Variants in FRMD1 observed in about 807,000 individuals in gnomAD.
FRMD1 encodes FERM domain-containing protein 1.
FRMD1 carries 51 observed loss-of-function variants against 54.9 expected under a neutral mutation model. The observed-to-expected ratio is 0.93, with a 90% CI of 0.74 to 1.17. The LOEUF is 1.17. Among genes scored for constraint, FRMD1 ranks in the 50% most tolerant of loss-of-function variants. FRMD1 has a pLI of 0.00. For missense variants in FRMD1, 729 were observed against 743.0 expected, an observed-to-expected ratio of 0.98 and a Z score of 0.22; for synonymous variants, 324 against 306.4, an observed-to-expected ratio of 1.06 and a Z score of -0.60.
chr6:168,062,042 A>C lies in FRMD1; in HGVS notation c.871-61T>G, dbSNP rs1041257903. 115 of 1,516,540 alleles carry C rather than the reference A, an allele frequency of 7.6e-5. 1 individual carries two copies. Among genetic ancestry groups the C allele is most frequent in the Non-Finnish European group, 1.0e-4 (114 of 1,122,622 alleles). 93.9% of individuals were successfully genotyped at this position (1,516,540 alleles called of 1,614,324 possible). A position where few individuals can be genotyped will look rare whatever the true frequency, so the allele number is the denominator to read the frequency against. ...TGGAAAACCACGCTAGCCACAGGAAAGGATGATTTTAAATGTCAGCCATGG... is the reference window on the plus strand; with the variant it reads ...TGGAAAACCACGCTAGCCACAGGAACGGATGATTTTAAATGTCAGCCATGG... On this transcript the variant is annotated intron_variant, in intron 7 of 10. Coordinates refer to ENST00000283309, the MANE Select transcript of FRMD1 (RefSeq NM_024919.6).
rs181997328 is a variant in FRMD1 at position 168,071,757 on chromosome 6, T to C, written c.304+3488A>G. Among the ~76,000 whole-genome samples the C allele has an allele frequency of 2.5e-3, 374 of 152,340 alleles. 1 individual carries two copies. Among genetic ancestry groups the C allele is most frequent in the African/African-American group, 8.1e-3 (335 of 41,582 alleles). ...CGCAGGGTAAAGACAAGGCAAACACTGGCTGATGAGCCAGTAATCTCCCTT... is the reference window on the plus strand; with the variant it reads ...CGCAGGGTAAAGACAAGGCAAACACCGGCTGATGAGCCAGTAATCTCCCTT... On this transcript the variant is annotated intron_variant, in intron 2 of 10. Transcript: ENST00000283309.
chr6:168,057,561 G>A (rs1222742051), intron 10 of FRMD1: 4 of 601,770 alleles, frequency 6.6e-6, no homozygotes, highest in Non-Finnish European at 1.1e-5. Flanking sequence ...CCCCCACCTT[G>A]CCCAGCTTCT....
At chr6:168,066,537 A>T in intron 4 of FRMD1, 1 of 1,287,384 alleles carries the variant, frequency 7.8e-7, no homozygotes, top group Non-Finnish European at 9.8e-7. Context: ...AAAGAAAAGA[A>T]AAAGAAGTAC....
rs546374276 is a variant in FRMD1, at chr6:168,087,182, C to T, written c.-11-8158G>A. Among the ~76,000 whole-genome samples, 4 of 152,238 alleles carry T rather than the reference C, an allele frequency of 2.6e-5. No homozygotes were observed. In the Middle Eastern group the frequency reaches 0.01, roughly 388 times the overall value. ...TCCTGGCTCAAGCGATTCTCCCATC[C>T]CAGACCCCTGAGCAGCTGGGACCAC... On this transcript the variant is annotated intron_variant, in intron 1 of 12. Transcript: ENST00000644440.
chr6:168,088,227 T>C (rs561754236), intron 1 of FRMD1, among the ~76,000 whole-genome samples: 2 of 152,294 alleles, frequency 1.3e-5, no homozygotes, highest in South Asian at 4.1e-4. Flanking sequence ...GTGGGGACTA[T>C]GTGAGCCCGA....
At chr6:168,062,710 G>T (rs765791148) in intron 7 of FRMD1, 184 bp downstream of exon 7, 1 of 1,552,244 alleles carries the variant, frequency 6.4e-7, no homozygotes, top group South Asian at 1.2e-5. Flanking sequence ...AGGGGAGGTC[G>T]TACAGCAGCT....
Position 168,054,393 on chromosome 6 carries a change from C to A in FRMD1, c.*2704G>T, listed in dbSNP as rs1799341824. 1.3e-5 allele frequency: 2 copies of A among 152,418 alleles called. No individual in the cohort carries two copies. Among genetic ancestry groups the A allele is most frequent in the Non-Finnish European group, 2.9e-5 (2 of 68,214 alleles). 9.4% of individuals were successfully genotyped at this position (152,418 alleles called of 1,614,324 possible). Reference sequence around the variant, plus strand: ...GATGCTGGAGGTCCTTGGCCTGCTCCTTGGGGGTCCACAGGGACTGGGACA... The same window carrying A: ...GATGCTGGAGGTCCTTGGCCTGCTCATTGGGGGTCCACAGGGACTGGGACA... On this transcript the variant is annotated 3_prime_UTR_variant, in exon 11 of 11. Transcript: ENST00000283309.
chr6:168,079,101 G>A lies in FRMD1; in HGVS notation c.-7C>T, dbSNP rs12154121. ...CTCTCGGGGGCACCGCCATGCTGTC[G>A]TTACTCGGCCCTCCCCCGCCATGGG... On this transcript the variant is annotated 5_prime_UTR_variant, in exon 1 of 11. It adds an upstream start codon to the 5' untranslated region. Coordinates refer to ENST00000283309, the MANE Select transcript of FRMD1 (RefSeq NM_024919.6). 0.013 allele frequency: 20,568 copies of A among 1,591,648 alleles called. 447 individuals carry two copies. The highest frequency in any genetic ancestry group is 0.081 in the Admixed American group (4,746 of 58,794).
chr6:168,074,936 T>C (rs1800509369), intron 2 of FRMD1, among the ~76,000 whole-genome samples: 1 of 151,618 alleles, frequency 6.6e-6, no homozygotes, highest in Non-Finnish European at 1.5e-5. Context: ...GTGAGTGGTG[T>C]GTAACTGCAC....
At chr6:168,078,317 G>A (rs1800681156) in intron 1 of FRMD1, among the ~76,000 whole-genome samples, 1 of 152,212 alleles carries the variant, frequency 6.6e-6, no homozygotes, top group African/African-American at 2.4e-5. Context: ...GCTTCCTGGC[G>A]CTCTTCCCTC....
At position 168,057,354 on chromosome 6, in the gene FRMD1, C is replaced by T. The variant is rs1162502805; in HGVS notation, c.1408-15G>A. 6.2e-7 allele frequency: 1 copy of T among 1,606,586 alleles called. No individual in the cohort carries two copies. On this transcript the variant is annotated splice_polypyrimidine_tract_variant and intron_variant, in intron 10 of 10. Coordinates refer to ENST00000283309, the MANE Select transcript of FRMD1 (RefSeq NM_024919.6). ...ATTTCCTGGATCTGCGGGGAGAGGCCATGGGATGAGGCCTGCTGCCCCCTC... is the reference window on the plus strand; with the variant it reads ...ATTTCCTGGATCTGCGGGGAGAGGCTATGGGATGAGGCCTGCTGCCCCCTC...
intron 1 of FRMD1, among the ~76,000 whole-genome samples, chr6:168,088,830 C>CTA (rs982714870): frequency 9.2e-5 from 4 of 43,276 alleles, no homozygotes; most frequent in Non-Finnish European, 1.8e-4. Flanking sequence ...AACACATGCG[C>CTA]TACTAACCAG....
intron 1 of FRMD1, among the ~76,000 whole-genome samples, chr6:168,076,137 A>G (rs920226880): frequency 9.9e-5 from 15 of 152,152 alleles, no homozygotes; most frequent in African/African-American, 3.6e-4. Flanking sequence ...GCAGAATCGC[A>G]GGGCGCCAAG....
intron 2 of FRMD1, among the ~76,000 whole-genome samples, chr6:168,074,590 GGTGT>G (rs1562425368): frequency 6.6e-6 from 1 of 151,452 alleles, no homozygotes; most frequent in Non-Finnish European, 1.5e-5. Flanking sequence ...ACATGTGAGT[GGTGT>G]GTAACTGTGT....
At chr6:168,060,005 AGGGGGCTTCCTAGGAGTG>A (rs1357421340) in intron 9 of FRMD1, among the ~76,000 whole-genome samples, 3 of 139,524 alleles carry the variant, frequency 2.2e-5, no homozygotes, top group South Asian at 2.4e-4. Context: ...TCCTAGGAGT[AGGGGGCTTCCTAGGAGTG>A]GGGGGCTTCC....
intron 1 of FRMD1, among the ~76,000 whole-genome samples, chr6:168,077,201 CCTA>C (rs1234401302): frequency 9.2e-5 from 14 of 152,284 alleles, no homozygotes; most frequent in African/African-American, 3.1e-4. Context: ...GGGTTCCTCT[CCTA>C]CTGCAGACAC....
At chr6:168,092,276 G>A (rs1020785090) in intron 1 of FRMD1, among the ~76,000 whole-genome samples, 1 of 152,166 alleles carries the variant, frequency 6.6e-6, no homozygotes, top group Non-Finnish European at 1.5e-5. Context: ...GCATCTCCAG[G>A]ACTTTGCAAA....
chr6:168,063,291 G>A (rs1799851354), intron 6 of FRMD1, among the ~76,000 whole-genome samples: 2 of 147,996 alleles, frequency 1.4e-5, no homozygotes, highest in African/African-American at 2.5e-5. Context: ...TTAGCCACGG[G>A]GGCTCCATCC....
chr6:168,066,117 CAGCCCTT>C, intron 4 of FRMD1: 8 of 991,434 alleles, frequency 8.1e-6, no homozygotes, highest in Non-Finnish European at 8.4e-6. Flanking sequence ...GCAAGCATAG[CAGCCCTT>C]AGCCCAGCGA....
Sources: gnomAD v4.1 joint callset for allele counts (sites outside exome capture counted in the v4.1 genomes callset) on GRCh38, gnomAD v4.1.1 for gene constraint, MANE v1.5 for transcripts, NCBI Gene and HGNC (gene_info 2026-07-23, HGNC 2026-07-21) for gene names.